MAPK9: variants seen among roughly 807,000 people sequenced by gnomAD.
MAPK9 encodes Jun kinase.
Under a neutral mutation model 57.1 loss-of-function variants are expected in MAPK9, and 30 were observed. The observed-to-expected ratio is 0.53, with a 90% CI of 0.39 to 0.71. The LOEUF (loss-of-function observed/expected upper bound fraction) is 0.71. Ranked by LOEUF, MAPK9 falls within the 30% of genes least tolerant of loss-of-function variation. The pLI, the probability that MAPK9 is intolerant of heterozygous loss-of-function variation, is 0.00. For missense variants in MAPK9, 362 were observed against 521.0 expected (o/e 0.69, Z 2.97); for synonymous variants, 155 against 177.0 (o/e 0.88, Z 0.99).
intron 8 of MAPK9, 132 bp from the exon 9 acceptor site, chr5:180,241,287 G>T: frequency 3.1e-6 from 3 of 966,596 alleles, no homozygotes; most frequent in Non-Finnish European, 4.4e-6. Flanking sequence ...ATAGGTTCAA[G>T]ATGAATATAA....
At position 180,247,990 on chromosome 5, in the gene MAPK9, C is replaced by G. The variant is rs1758289852; in HGVS notation, c.617-480G>C. 6.5e-7 allele frequency: 1 copy of G among 1,529,980 alleles called. No homozygotes were observed. Among genetic ancestry groups the G allele is most frequent in the African/African-American group, 1.4e-5 (1 of 73,202 alleles). The allele number at this position is 1,529,980 out of a possible 1,614,324, so 94.8% of individuals were successfully genotyped here. A position where few individuals can be genotyped will look rare whatever the true frequency, so the allele number is the denominator to read the frequency against. ...CCCATCTTTTTTCTTCAAACCCCCT[C>G]CCAGGACAAACCCGGTACACGTCAC... On this transcript the variant is annotated intron_variant, in intron 6 of 11. Transcript: ENST00000452135. The surrounding 1 kb of genome is among the most constrained non-coding windows in gnomAD (Gnocchi z 4.5).
chr5:180,240,881 G>A, intron 9 of MAPK9, 150 bp downstream of exon 9: 3 of 959,190 alleles, frequency 3.1e-6, no homozygotes, highest in Admixed American at 2.8e-5. Context: ...AAGCGACCCA[G>A]GTCTCAGACA....
intron 2 of MAPK9, among the ~76,000 whole-genome samples, chr5:180,274,588 G>C (rs565188305): frequency 6.6e-6 from 1 of 152,334 alleles, no homozygotes; most frequent in African/African-American, 2.4e-5. Context: ...TAAGGAACTA[G>C]ACTCTGCCAA....
At chr5:180,271,921 GATT>G (rs1018503909) in intron 2 of MAPK9, among the ~76,000 whole-genome samples, 1 of 152,028 alleles carries the variant, frequency 6.6e-6, no homozygotes, top group Non-Finnish European at 1.5e-5. Context: ...TTACATTCTA[GATT>G]ATTATTAGTT....
chr5:180,272,341 G>A (rs1761410975), intron 2 of MAPK9, among the ~76,000 whole-genome samples: 1 of 152,192 alleles, frequency 6.6e-6, no homozygotes, highest in Non-Finnish European at 1.5e-5. Context: ...TGAGAACTTT[G>A]AAGGCACTTT....
intron 6 of MAPK9, among the ~76,000 whole-genome samples, chr5:180,248,246 C>T (rs1028814404): frequency 1.3e-5 from 2 of 152,144 alleles, no homozygotes; most frequent in African/African-American, 2.4e-5. Flanking sequence ...GCTGGCGGGC[C>T]GAGGGGAGAA....
intron 2 of MAPK9, among the ~76,000 whole-genome samples, chr5:180,270,477 A>C (rs972520202): frequency 4.6e-5 from 7 of 152,218 alleles, no homozygotes; most frequent in African/African-American, 1.4e-4. Flanking sequence ...AATGAGAAGG[A>C]TATATCCACT....
intron 1 of MAPK9, among the ~76,000 whole-genome samples, chr5:180,283,447 G>A (rs963917801): frequency 1.3e-5 from 2 of 152,164 alleles, no homozygotes; most frequent in African/African-American, 4.8e-5. Context: ...ATGGCACAGA[G>A]CCACCCCCCA....
At chr5:180,250,378 C>T (rs528818717) in intron 5 of MAPK9, among the ~76,000 whole-genome samples, 3 of 152,340 alleles carry the variant, frequency 2.0e-5, no homozygotes, top group African/African-American at 7.2e-5. Context: ...CCTGCAAACT[C>T]ACTTGAGAAA....
At chr5:180,259,200 C>T (rs983804167) in intron 5 of MAPK9, among the ~76,000 whole-genome samples, 8 of 152,138 alleles carry the variant, frequency 5.3e-5, no homozygotes, top group African/African-American at 1.9e-4. Flanking sequence ...TGGAGAGGCA[C>T]CCTTTGACTG....
At chr5:180,251,002 A>G (rs999548212) in intron 5 of MAPK9, among the ~76,000 whole-genome samples, 2 of 152,234 alleles carry the variant, frequency 1.3e-5, no homozygotes, top group Non-Finnish European at 2.9e-5. Context: ...TATGACAAGA[A>G]CAGGCATTTT....
chr5:180,261,588 A>T, intron 5 of MAPK9, 96 bp downstream of exon 5: 1 of 1,182,712 alleles, frequency 8.5e-7, no homozygotes, highest in Non-Finnish European at 1.2e-6. Flanking sequence ...TGGATTTTCA[A>T]GCCTAACAAT....
intron 5 of MAPK9, among the ~76,000 whole-genome samples, chr5:180,253,206 A>G (rs1254165529): frequency 6.6e-6 from 1 of 152,186 alleles, no homozygotes; most frequent in Admixed American, 6.5e-5. Flanking sequence ...AGTCTGGACC[A>G]GGCCTCTGAG....
At chr5:180,279,662 G>A (rs1762134744) in intron 2 of MAPK9, 4 of 357,984 alleles carry the variant, frequency 1.1e-5, no homozygotes, top group Non-Finnish European at 1.6e-5. Flanking sequence ...TAGGCGCAAA[G>A]GTAATCCTGT....
intron 5 of MAPK9, chr5:180,258,146 G>A (rs1759490486): frequency 6.6e-6 from 1 of 152,200 alleles, no homozygotes; most frequent in South Asian, 2.1e-4. Context: ...CCCTGTGAAT[G>A]GAAGAAAGGT....
chr5:180,251,046 C>A (rs1375094768), intron 5 of MAPK9, among the ~76,000 whole-genome samples: 1 of 152,130 alleles, frequency 6.6e-6, no homozygotes, highest in Non-Finnish European at 1.5e-5. Flanking sequence ...AAATAATGCT[C>A]AATCTCACAA....
At chr5:180,286,525 G>A (rs1045768872) in intron 1 of MAPK9, among the ~76,000 whole-genome samples, 1 of 151,674 alleles carries the variant, frequency 6.6e-6, no homozygotes, top group African/African-American at 2.4e-5. Context: ...CAGCTCTCAG[G>A]GCCATCCTCT....
At position 180,267,824 on chromosome 5, in the gene MAPK9, C is replaced by CA. The variant is rs563086645; in HGVS notation, c.252+1455dup. Among the ~76,000 whole-genome samples, 1,233 of 151,442 alleles carry CA rather than the reference C, an allele frequency of 8.1e-3. 12 individuals carry two copies. Among genetic ancestry groups the CA allele is most frequent in the South Asian group, 0.022 (106 of 4,784 alleles). On this transcript the variant is annotated intron_variant, in intron 3 of 11. Transcript: ENST00000452135. ...GAGACCCTGTCTCAAAAAAACAAAACAAAAAAAACCAGATTTCACGTTTTA... is the reference window on the plus strand; with the variant it reads ...GAGACCCTGTCTCAAAAAAACAAAACAAAAAAAAACCAGATTTCACGTTTTA...
intron 1 of MAPK9, among the ~76,000 whole-genome samples, chr5:180,284,506 G>A (rs909015669): frequency 6.6e-6 from 1 of 152,334 alleles, no homozygotes; most frequent in East Asian, 1.9e-4. Context: ...AGTATCGACC[G>A]AGGCATGAGG....
Sources: gnomAD v4.1 joint callset for allele counts (sites outside exome capture counted in the v4.1 genomes callset) on GRCh38, gnomAD v4.1.1 for gene constraint, Gnocchi (gnomAD v3.1) non-coding constraint, MANE v1.5 for transcripts, NCBI Gene and HGNC (gene_info 2026-07-23, HGNC 2026-07-21) for gene names.